Variants in CFAP54 observed in about 807,000 individuals in gnomAD.
CFAP54 encodes the protein cilia and flagella associated protein 54.
Under a neutral mutation model 370.4 loss-of-function variants are expected in CFAP54, and 290 were observed. The ratio of observed to expected loss-of-function variants is 0.78; its 90% CI spans 0.71 to 0.86. The LOEUF (loss-of-function observed/expected upper bound fraction) is 0.86. CFAP54 is among the 40% of genes least tolerant of loss of function. The pLI is 0.00. For missense variants in CFAP54, 3,399 were observed against 3,528.7 expected (o/e 0.96, Z 0.93); for synonymous variants, 1,206 against 1,236.5 (o/e 0.98, Z 0.52).
intron 67 of CFAP54, among the ~76,000 whole-genome samples, chr12:96,864,976 A>G (rs1235023708): frequency 6.6e-6 from 1 of 152,184 alleles, no homozygotes; most frequent in East Asian, 1.9e-4. Context: ...AATATTATCT[A>G]TGTGTGCATA....
chr12:96,614,290 A>C (rs551443607), intron 26 of CFAP54, among the ~76,000 whole-genome samples: 122 of 152,344 alleles, frequency 8.0e-4, no homozygotes, highest in African/African-American at 2.8e-3. Flanking sequence ...AGATGCAGAA[A>C]AGGCCTTTGA....
chr12:96,835,567 G>A (rs1025648957), intron 66 of CFAP54, among the ~76,000 whole-genome samples: 4 of 152,156 alleles, frequency 2.6e-5, no homozygotes, highest in Admixed American at 6.5e-5. Flanking sequence ...GCTTGGCCCC[G>A]ACTTTGCTCT....
intron 55 of CFAP54, among the ~76,000 whole-genome samples, chr12:96,746,924 CA>C (rs1314611381): frequency 4.6e-5 from 7 of 152,212 alleles, no homozygotes; most frequent in African/African-American, 1.4e-4. Context: ...AGTTAAGCAT[CA>C]CTGCTTCCAG....
chr12:96,671,928 A>G (rs556956236), intron 39 of CFAP54, among the ~76,000 whole-genome samples: 33 of 150,098 alleles, frequency 2.2e-4, no homozygotes, highest in East Asian at 1.2e-3. Context: ...TATCTCAAAA[A>G]AGAGAGAGAG....
rs575944871 is a variant in CFAP54, at chr12:96,646,336, C to T, written c.4548-1539C>T. ...AGAATACATTTATGCAGCCAAAAGA[C>T]ACATGAAAAAATGCTCATCATCACT... On this transcript the variant is annotated intron_variant, in intron 33 of 67. Coordinates refer to ENST00000524981, the MANE Select transcript of CFAP54 (RefSeq NM_001306084.2). 3 of 152,258 alleles carry T rather than the reference C, an allele frequency of 2.0e-5. No homozygotes were observed. In the East Asian group the frequency reaches 5.8e-4, roughly 29 times the overall value. The allele number at this position is 152,258 out of a possible 1,614,324, so 9.4% of individuals were successfully genotyped here. A position where few individuals can be genotyped will look rare whatever the true frequency, so the allele number is the denominator to read the frequency against.
chr12:96,558,785 C>T (rs2136404985), intron 17 of CFAP54, among the ~76,000 whole-genome samples: 1 of 152,244 alleles, frequency 6.6e-6, no homozygotes, highest in East Asian at 1.9e-4. Context: ...CTCCAAGATA[C>T]CATTGGGGAA....
At chr12:96,647,430 G>A (rs978517592) in intron 33 of CFAP54, among the ~76,000 whole-genome samples, 7 of 120,012 alleles carry the variant, frequency 5.8e-5, no homozygotes, top group African/African-American at 1.6e-4. Context: ...CCGATATCGC[G>A]CCACTGCACT....
intron 63 of CFAP54, among the ~76,000 whole-genome samples, chr12:96,793,052 A>G (rs1395883145): frequency 1.3e-5 from 2 of 151,768 alleles, no homozygotes. Flanking sequence ...TTTAAATTTT[A>G]TTATTTTTTA....
intron 50 of CFAP54, among the ~76,000 whole-genome samples, chr12:96,723,314 C>G (rs1048873755): frequency 2.0e-5 from 3 of 152,132 alleles, no homozygotes; most frequent in Non-Finnish European, 4.4e-5. Flanking sequence ...GACCAAGGAT[C>G]AAGCCCTGAG....
intron 14 of CFAP54, among the ~76,000 whole-genome samples, chr12:96,543,693 T>C (rs1418133906): frequency 6.6e-6 from 1 of 152,164 alleles, no homozygotes; most frequent in Admixed American, 6.5e-5. Context: ...ACTAGATGCA[T>C]GAAAGGCACT....
intron 48 of CFAP54, among the ~76,000 whole-genome samples, chr12:96,715,261 TTA>T (rs1371170474): frequency 2.2e-5 from 2 of 89,226 alleles, no homozygotes; most frequent in African/African-American, 1.3e-4. Context: ...TGGTATGAAT[TTA>T]AAGTGAGAAG....
At chr12:96,641,845 G>C (rs140129573) in intron 32 of CFAP54, among the ~76,000 whole-genome samples, 1 of 150,468 alleles carries the variant, frequency 6.6e-6, no homozygotes, top group African/African-American at 2.4e-5. Context: ...ACCAAACATC[G>C]CATGTTCTCA....
chr12:96,554,759 A>G lies in CFAP54; in HGVS notation c.2367A>G (p.Gln789=), dbSNP rs1343196689. Residue 789 remains glutamine (Q), a synonymous_variant, in exon 17 of 68, where the codon CAA becomes CAG. Coordinates refer to ENST00000524981, the MANE Select transcript of CFAP54 (RefSeq NM_001306084.2). ...FMMDLHLELI[Q]AQHRIAVVLL... is the part of the protein sequence containing the mutation. ...TGGATTTGCATCTTGAACTAATTCA[A>G]GCTCAGCATCGAATAGCTGTTGTGC... The G allele has an allele frequency of 3.9e-6, 6 of 1,535,038 alleles. No homozygotes were observed. The highest frequency in any genetic ancestry group is 3.6e-5 in the South Asian group (3 of 83,912).
intron 26 of CFAP54, among the ~76,000 whole-genome samples, chr12:96,613,255 G>T (rs1488766831): frequency 6.6e-6 from 1 of 152,186 alleles, no homozygotes; most frequent in Non-Finnish European, 1.5e-5. Context: ...TGAACAACCT[G>T]CTCCTGAATG....
chr12:96,638,246 T>A (rs815912), intron 32 of CFAP54, among the ~76,000 whole-genome samples: 19,589 of 58,194 alleles, frequency 0.34, 1,345 homozygotes, highest in East Asian at 0.53. Context: ...TGTGTGTATA[T>A]ATATATATAT....
chr12:96,646,800 T>C (rs1021953883), intron 33 of CFAP54: 3 of 152,160 alleles, frequency 2.0e-5, no homozygotes, highest in Non-Finnish European at 4.4e-5. Context: ...ATGTCCTTTG[T>C]AGGGACATGG....
chr12:96,641,923 T>G, intron 32 of CFAP54, among the ~76,000 whole-genome samples: 2 of 127,168 alleles, frequency 1.6e-5, no homozygotes, highest in Non-Finnish European at 1.7e-5. Context: ...CACCGGGGCC[T>G]GTTGTGGGGT....
At chr12:96,675,340 C>G (rs1185614233) in intron 39 of CFAP54, among the ~76,000 whole-genome samples, 1 of 152,180 alleles carries the variant, frequency 6.6e-6, no homozygotes, top group Non-Finnish European at 1.5e-5. Context: ...TGAAAAAATG[C>G]TCATCATCAC....
At chr12:96,524,325 G>A (rs1291892267) in intron 8 of CFAP54, among the ~76,000 whole-genome samples, 1 of 152,150 alleles carries the variant, frequency 6.6e-6, no homozygotes, top group Non-Finnish European at 1.5e-5. Context: ...AATAATTAAA[G>A]CTTGTGATAA....
Sources: gnomAD v4.1 joint callset for allele counts (sites outside exome capture counted in the v4.1 genomes callset) on GRCh38, gnomAD v4.1.1 for gene constraint, MANE v1.5 for transcripts, NCBI Gene and HGNC (gene_info 2026-07-23, HGNC 2026-07-21) for gene names.